Variants in WWC2 observed in about 807,000 individuals in gnomAD.
WWC2 encodes WW and C2 domain containing 2, also known as protein WWC2.
In WWC2, 101 loss-of-function variants were observed where a neutral mutation model predicts 138.5. The observed-to-expected ratio is 0.73, with a 90% CI of 0.62 to 0.86. The LOEUF (loss-of-function observed/expected upper bound fraction) is 0.86. Among genes scored for constraint, WWC2 ranks in the 40% least tolerant of loss-of-function variants. The pLI, the probability that WWC2 is intolerant of heterozygous loss-of-function variation, is 0.00. For synonymous variants in WWC2, 558 were observed against 538.4 expected (o/e 1.04, Z -0.50); for missense variants, 1,420 against 1,419.4 (o/e 1.00, Z -0.01).
rs1180782011 is a variant in WWC2, at chr4:183,315,982, G to A, written c.*253G>A. The A allele has an allele frequency of 5.3e-6, 2 of 374,830 alleles. No individual in the cohort carries two copies. Among genetic ancestry groups the A allele is most frequent in the East Asian group, 1.1e-4 (2 of 18,080 alleles). The allele number at this position is 374,830 out of a possible 1,614,324, so 23.2% of individuals were successfully genotyped here. On this transcript the variant is annotated 3_prime_UTR_variant, in exon 23 of 23. Coordinates refer to ENST00000403733, the MANE Select transcript of WWC2 (RefSeq NM_024949.6). ...TAACCTGGTACACAAATGTTGCCCAGTATGTGCGCATTGCCAGTGGACTTC... is the reference window on the plus strand; with the variant it reads ...TAACCTGGTACACAAATGTTGCCCAATATGTGCGCATTGCCAGTGGACTTC...
chr4:183,133,302 A>G (rs1462590686), intron 1 of WWC2, among the ~76,000 whole-genome samples: 1 of 151,296 alleles, frequency 6.6e-6, no homozygotes, highest in African/African-American at 2.4e-5. Context: ...CTATAGGAGC[A>G]CACCCCCTTG....
At chr4:183,127,212 G>C (rs1349056238) in intron 1 of WWC2, among the ~76,000 whole-genome samples, 1 of 152,100 alleles carries the variant, frequency 6.6e-6, no homozygotes, top group African/African-American at 2.4e-5. Flanking sequence ...ATTCCTTAAG[G>C]AAAGCAAGAA....
Position 183,208,954 on chromosome 4 carries a change from T to A in WWC2, c.451T>A (p.Ser151Thr). The A allele has an allele frequency of 6.4e-7, 1 of 1,550,394 alleles. No individual in the cohort carries two copies. The highest frequency in any genetic ancestry group is 1.4e-5 in the African/African-American group (1 of 73,354). The change falls in exon 4 of 23, where the codon TCA becomes ACA. Residue 151 changes from serine to threonine, a missense_variant. Coordinates refer to ENST00000403733, the MANE Select transcript of WWC2 (RefSeq NM_024949.6). ...EKSSSHTSLF[S>T]GSSSSTKYDP... ...TTCTTTTTTCTCTATAAAAGTATTC[T>A]CAGGATCTTCATCCAGTACTAAATA... is the stretch of plus-strand genomic sequence containing the variant.
chr4:183,130,340 G>A (rs1355104193), intron 1 of WWC2, among the ~76,000 whole-genome samples: 3 of 152,070 alleles, frequency 2.0e-5, no homozygotes, highest in South Asian at 2.1e-4. Flanking sequence ...GTGAGCCAGC[G>A]CTCCCAGCCA....
chr4:183,319,407 G>A lies in WWC2; in HGVS notation c.*3678G>A. 1 of 878,512 alleles carries A rather than the reference G, an allele frequency of 1.1e-6. No individual in the cohort carries two copies. The highest frequency in any genetic ancestry group is 1.8e-6 in the Non-Finnish European group (1 of 571,262). 54.4% of individuals were successfully genotyped at this position (878,512 alleles called of 1,614,324 possible). A position where few individuals can be genotyped will look rare whatever the true frequency, so the allele number is the denominator to read the frequency against. ...ACTAGAAGATAAAAATGGTTTACCA[G>A]TCTTGGAAAGAAACTATAGTTTAAT... is the stretch of plus-strand genomic sequence containing the variant. On this transcript the variant is annotated 3_prime_UTR_variant, in exon 23 of 23. Coordinates refer to ENST00000403733, the MANE Select transcript of WWC2 (RefSeq NM_024949.6).
chr4:183,174,143 A>G (rs1734382103), intron 1 of WWC2, among the ~76,000 whole-genome samples: 1 of 152,138 alleles, frequency 6.6e-6, no homozygotes, highest in Non-Finnish European at 1.5e-5. Context: ...CACACTCTGT[A>G]ATGTTCCCTG....
chr4:183,271,289 A>G, intron 16 of WWC2, 48 bp downstream of exon 16: 4 of 1,453,058 alleles, frequency 2.8e-6, no homozygotes, highest in South Asian at 3.1e-5. Flanking sequence ...AAATACATAT[A>G]TGAAATACAT....
At chr4:183,267,134 G>C (rs1321154018) in intron 14 of WWC2, among the ~76,000 whole-genome samples, 1 of 151,848 alleles carries the variant, frequency 6.6e-6, no homozygotes, top group Non-Finnish European at 1.5e-5. Context: ...TGGGATTACA[G>C]GCGTGAGCCA....
chr4:183,128,777 G>C (rs1732837680), intron 1 of WWC2, among the ~76,000 whole-genome samples: 1 of 152,128 alleles, frequency 6.6e-6, no homozygotes, highest in Admixed American at 6.5e-5. Flanking sequence ...TCCTCCAACT[G>C]TTTTCAGGAT....
intron 4 of WWC2, among the ~76,000 whole-genome samples, chr4:183,229,594 A>G (rs765805383): frequency 2.0e-5 from 3 of 152,068 alleles, no homozygotes; most frequent in Non-Finnish European, 4.4e-5. Context: ...CTCATACATC[A>G]TTAGATGAGA....
At chr4:183,309,204 C>T (rs118053137) in intron 21 of WWC2, among the ~76,000 whole-genome samples, 2 of 152,254 alleles carry the variant, frequency 1.3e-5, no homozygotes, top group East Asian at 1.9e-4. Context: ...AACACAACAT[C>T]AGAGGCATGA....
rs1286014457 is a variant in WWC2, at chr4:183,247,607, A to ATATATAC, written c.733-1100_733-1094dup. The stretch of plus-strand genomic sequence containing the variant: ...ATACTATATATATGCTATATATGCT[A>ATATATAC]TATATACTATATATACTATATACTA... On this transcript the variant is annotated intron_variant, in intron 6 of 22. Coordinates refer to ENST00000403733, the MANE Select transcript of WWC2 (RefSeq NM_024949.6). Among the ~76,000 whole-genome samples the ATATATAC allele has an allele frequency of 9.7e-3, 1,326 of 136,012 alleles. 81 individuals carry two copies. Among genetic ancestry groups the ATATATAC allele is most frequent in the African/African-American group, 0.038 (1,272 of 33,540 alleles). 89.2% of individuals were successfully genotyped at this position (136,012 alleles called of 152,430 possible).
At chr4:183,124,536 C>CTTTTTTTTTTTTTTT (rs370409813) in intron 1 of WWC2, among the ~76,000 whole-genome samples, 15 of 122,790 alleles carry the variant, frequency 1.2e-4, no homozygotes, top group African/African-American at 4.0e-4. Context: ...TCCTTTTTCT[C>CTTTTTTTTTTTTTTT]TTTTTTTTTT....
At chr4:183,203,702 T>C (rs953815768) in intron 2 of WWC2, 1 of 9,176 alleles carries the variant, frequency 1.1e-4, no homozygotes, top group African/African-American at 1.2e-4. Flanking sequence ...CTTAATCTAA[T>C]TTTGTTTTTA....
rs772839144 is a variant in WWC2, at chr4:183,268,947, C to T, written c.2208-24C>T. ...GGTATAATTAAAGTACCTATGAAAT[C>T]CATTTTATTCTTGTTCTTTGCAGAT... is the stretch of plus-strand genomic sequence containing the variant. On this transcript the variant is annotated intron_variant, in intron 14 of 22. Coordinates refer to ENST00000403733, the MANE Select transcript of WWC2 (RefSeq NM_024949.6). 4.4e-6 allele frequency: 7 copies of T among 1,587,640 alleles called. No homozygotes were observed. The Admixed American group carries it at 8.9e-5, about 20-fold the overall frequency.
intron 1 of WWC2, among the ~76,000 whole-genome samples, chr4:183,172,476 G>A (rs1213964722): frequency 6.6e-6 from 1 of 150,942 alleles, no homozygotes; most frequent in African/African-American, 2.4e-5. Context: ...GTAATTTGGA[G>A]TAAAAATTCG....
intron 1 of WWC2, among the ~76,000 whole-genome samples, chr4:183,141,633 A>G (rs1454621747): frequency 6.6e-6 from 1 of 152,128 alleles, no homozygotes; most frequent in Non-Finnish European, 1.5e-5. Context: ...TCACCAAAAT[A>G]CTTATTTCAA....
chr4:183,245,693 C>G, intron 6 of WWC2, 148 bp downstream of exon 6: 1 of 930,082 alleles, frequency 1.1e-6, no homozygotes, highest in East Asian at 3.6e-5. Context: ...GAGATTGTTG[C>G]AGGCACAAAG....
chr4:183,192,000 C>G (rs1375026818), intron 1 of WWC2, among the ~76,000 whole-genome samples: 2 of 152,230 alleles, frequency 1.3e-5, no homozygotes, highest in Non-Finnish European at 2.9e-5. Context: ...GTTGGAATTA[C>G]AGGCGTGAGC....
Sources: allele counts gnomAD v4.1 joint callset (sites outside exome capture counted in the v4.1 genomes callset), GRCh38; gene constraint gnomAD v4.1.1; transcripts MANE v1.5; gene names NCBI Gene and HGNC (gene_info 2026-07-23, HGNC 2026-07-21).